ARFGEF3: variants seen among roughly 807,000 people sequenced by gnomAD.
ARFGEF3 encodes ARFGEF family member 3, also known as brefeldin A-inhibited guanine nucleotide-exchange protein 3.
Under a neutral mutation model 221.7 loss-of-function variants are expected in ARFGEF3, and 96 were observed. The ratio of observed to expected loss-of-function variants is 0.43; its 90% CI spans 0.37 to 0.51. ARFGEF3 has a LOEUF of 0.51. Ranked by LOEUF, ARFGEF3 falls within the 20% of genes least tolerant of loss-of-function variation. The pLI is 0.00. For missense variants in ARFGEF3, 2,410 were observed against 2,789.9 expected (o/e 0.86, Z 3.07); for synonymous variants, 1,145 against 1,126.8 (o/e 1.02, Z -0.32).
intron 3 of ARFGEF3, among the ~76,000 whole-genome samples, chr6:138,207,594 G>A (rs1353723737): frequency 6.6e-6 from 1 of 152,134 alleles, no homozygotes. Context: ...AGACTAGGAA[G>A]AAAAAAGAAA....
intron 6 of ARFGEF3, among the ~76,000 whole-genome samples, chr6:138,240,781 T>C (rs891447400): frequency 6.6e-6 from 1 of 152,216 alleles, no homozygotes; most frequent in Non-Finnish European, 1.5e-5. Context: ...GACATAAGTT[T>C]TGCCGCATAA....
intron 6 of ARFGEF3, among the ~76,000 whole-genome samples, chr6:138,240,374 A>T (rs1308361099): frequency 6.6e-6 from 1 of 152,228 alleles, no homozygotes; most frequent in Non-Finnish European, 1.5e-5. Flanking sequence ...TTGTAATTTC[A>T]AAGTGCTTTC....
intron 2 of ARFGEF3, among the ~76,000 whole-genome samples, chr6:138,193,507 G>A: frequency 6.6e-6 from 1 of 152,138 alleles, no homozygotes; most frequent in Non-Finnish European, 1.5e-5. Flanking sequence ...TTCACACAGC[G>A]CCTGGACATG....
chr6:138,308,717 T>C, intron 23 of ARFGEF3, 22 bp from the exon 24 acceptor site: 1 of 1,613,568 alleles, frequency 6.2e-7, no homozygotes, highest in Non-Finnish European at 8.5e-7. Context: ...TTTCTTACAA[T>C]TCTATAATCT....
chr6:138,225,321 G>A (rs1778062823), intron 4 of ARFGEF3, among the ~76,000 whole-genome samples: 1 of 152,114 alleles, frequency 6.6e-6, no homozygotes, highest in Non-Finnish European at 1.5e-5. Context: ...ATCATCCCTG[G>A]CCTCTGCTTT....
chr6:138,336,629 C>G lies in ARFGEF3; in HGVS notation c.*143C>G, dbSNP rs1780331134. 2 of 617,186 alleles carry G rather than the reference C, an allele frequency of 3.2e-6. No individual in the cohort carries two copies. Among genetic ancestry groups the G allele is most frequent in the Non-Finnish European group, 5.3e-6 (2 of 377,494 alleles). The allele number at this position is 617,186 out of a possible 1,614,324, so 38.2% of individuals were successfully genotyped here. A position where few individuals can be genotyped will look rare whatever the true frequency, so the allele number is the denominator to read the frequency against. On this transcript the variant is annotated 3_prime_UTR_variant, in exon 34 of 34. Transcript: ENST00000251691. ...GAACAGTGTTTCCTAATGTAAAAAG[C>G]CTTTCCAACCACTGATCAGCATTGG...
At position 138,268,979 on chromosome 6, in the gene ARFGEF3, C is replaced by G. The variant is rs1484955403; in HGVS notation, c.2128+5368C>G. ...GCAGGGAGAACACTTGGTCTCTGCC[C>G]TCCCTTTATTTCTCATCCCAGGGTC... On this transcript the variant is annotated intron_variant, in intron 12 of 33. Coordinates refer to ENST00000251691, the MANE Select transcript of ARFGEF3 (RefSeq NM_020340.5). Among the ~76,000 whole-genome samples, 3 of 152,220 alleles carry G rather than the reference C, an allele frequency of 2.0e-5. No individual in the cohort carries two copies. In the East Asian group the frequency reaches 5.8e-4, roughly 29 times the overall value.
chr6:138,261,710 C>A, intron 11 of ARFGEF3, 71 bp downstream of exon 11: 3 of 822,648 alleles, frequency 3.6e-6, no homozygotes, highest in Non-Finnish European at 5.3e-6. Flanking sequence ...GCTTACAAGT[C>A]CCTGAAATTT....
In ARFGEF3 at chr6:138,334,271, C is replaced by G. The variant is rs774423683; in HGVS notation, c.5425C>G (p.Gln1809Glu). The stretch of plus-strand genomic sequence containing the variant: ...CGGGGGCGCCGCCAACCTCTACCGC[C>G]AGTCTGCGATGAGCTTTAACATTTA... Reference protein sequence around the residue: ...GIGGAANLYRQSAMSFNIYFH... With the variant: ...GIGGAANLYRESAMSFNIYFH... Residue 1809 changes from glutamine to glutamate, a missense_variant, in exon 33 of 34, where the codon CAG (glutamine) becomes GAG (glutamate). Gln to Glu is a conservative substitution (Grantham distance 29). Transcript: ENST00000251691. The surrounding 1 kb of genome is among the most constrained non-coding windows in gnomAD (Gnocchi z 5.1). The G allele has an allele frequency of 6.2e-7, 1 of 1,613,822 alleles. No homozygotes were observed. The highest frequency in any genetic ancestry group is 1.1e-5 in the South Asian group (1 of 91,044).
rs145838885 is a variant in ARFGEF3 at position 138,319,821 on chromosome 6, C to T, written c.4593C>T (p.His1531=). Residue 1531 remains histidine, a synonymous_variant, in exon 28 of 34, where the codon CAC becomes CAT. Coordinates refer to ENST00000251691, the MANE Select transcript of ARFGEF3 (RefSeq NM_020340.5). ...YWDMASANFK[H]AIGLSCELVV... is the part of the protein sequence containing the mutation. ...ATATGGCCTCTGCCAATTTCAAGCACGCTATTGGTCTGTCCTGTGAGCTGG... is the reference window on the plus strand; with the variant it reads ...ATATGGCCTCTGCCAATTTCAAGCATGCTATTGGTCTGTCCTGTGAGCTGG... 1.8e-5 allele frequency: 29 copies of T among 1,613,998 alleles called. No homozygotes were observed. The highest frequency in any genetic ancestry group is 1.1e-4 in the African/African-American group (8 of 75,064).
At chr6:138,277,299 C>T (rs1414712030) in intron 12 of ARFGEF3, among the ~76,000 whole-genome samples, 5 of 152,168 alleles carry the variant, frequency 3.3e-5, no homozygotes, top group Admixed American at 6.5e-5. Context: ...TATATCAGAA[C>T]GCCATTCCTT....
intron 2 of ARFGEF3, among the ~76,000 whole-genome samples, chr6:138,205,611 T>C (rs574791403): frequency 6.6e-6 from 1 of 152,310 alleles, no homozygotes; most frequent in East Asian, 1.9e-4. Flanking sequence ...TGCCTTGTAA[T>C]TGTGACAAGC....
chr6:138,265,771 A>C (rs1351004591), intron 12 of ARFGEF3, among the ~76,000 whole-genome samples: 1 of 152,058 alleles, frequency 6.6e-6, no homozygotes, highest in Non-Finnish European at 1.5e-5. Flanking sequence ...ATTGATTGTA[A>C]ATTGATGAAG....
rs191666618 is a variant in ARFGEF3, at chr6:138,179,700, A to G, written c.137+8987A>G. 3.9e-4 allele frequency among the ~76,000 whole-genome samples: 60 copies of G among 152,242 alleles called. 1 individual carries two copies. The South Asian group carries it at 0.011, about 28-fold the overall frequency. Reference sequence around the variant, plus strand: ...TCCATAACAGCTTCCCATTTCTCATATGGTTTTACTTTAATTGCCTTTATG... The same window carrying G: ...TCCATAACAGCTTCCCATTTCTCATGTGGTTTTACTTTAATTGCCTTTATG... On this transcript the variant is annotated intron_variant, in intron 2 of 33. Coordinates refer to ENST00000251691, the MANE Select transcript of ARFGEF3 (RefSeq NM_020340.5).
rs907994261 is a variant in ARFGEF3, at chr6:138,255,686, C to T, written c.1021C>T (p.Pro341Ser). The change falls in exon 10 of 34, where the codon CCC (proline) becomes TCC (serine). Residue 341 changes from proline (P) to serine (S), a missense_variant. This residue lies in a region of ARFGEF3 where 570 missense variants were observed against 586.9 expected (regional missense o/e 0.97). Coordinates refer to ENST00000251691, the MANE Select transcript of ARFGEF3 (RefSeq NM_020340.5). ...GGTGGGGTCTGTGGACTCCATGAAG[C>T]CCGTGCTCCAGTCCCTCTACCACCG... The part of the protein sequence containing the change: ...RLVGSVDSMK[P>S]VLQSLYHRVL... The T allele has an allele frequency of 1.2e-6, 2 of 1,613,198 alleles. No homozygotes were observed. The highest frequency in any genetic ancestry group is 2.7e-5 in the African/African-American group (2 of 74,884).
intron 26 of ARFGEF3, among the ~76,000 whole-genome samples, chr6:138,316,642 CAAACAT>C (rs1404855058): frequency 1.3e-5 from 2 of 152,028 alleles, no homozygotes; most frequent in Non-Finnish European, 2.9e-5. Context: ...TTAAAGATAA[CAAACAT>C]AAACATGACA....
intron 30 of ARFGEF3, 104 bp downstream of exon 30, chr6:138,323,877 A>G: frequency 1.3e-6 from 2 of 1,529,826 alleles, no homozygotes; most frequent in Non-Finnish European, 1.8e-6. Flanking sequence ...CTGAGCAGGC[A>G]GTCTCACTTT....
intron 2 of ARFGEF3, among the ~76,000 whole-genome samples, chr6:138,185,540 G>C (rs1777166258): frequency 1.3e-5 from 2 of 152,162 alleles, no homozygotes; most frequent in South Asian, 2.1e-4. Flanking sequence ...TTCATGTCTG[G>C]CTGTCTTTTG....
intron 2 of ARFGEF3, among the ~76,000 whole-genome samples, chr6:138,183,812 G>A (rs1366092445): frequency 1.3e-5 from 2 of 152,240 alleles, no homozygotes; most frequent in Non-Finnish European, 1.5e-5. Context: ...GAAACGGGAA[G>A]GTAGGGAGGT....
Sources: allele counts gnomAD v4.1 joint callset (sites outside exome capture counted in the v4.1 genomes callset), GRCh38; gene constraint gnomAD v4.1.1; regional missense constraint gnomAD v4.1.1; non-coding constraint Gnocchi (gnomAD v3.1); transcripts MANE v1.5; gene names NCBI Gene and HGNC (gene_info 2026-07-23, HGNC 2026-07-21).